The following STK32B variants were observed in gnomAD, a reference collection of about 807,000 sequenced individuals.
STK32B encodes the protein serine/threonine-protein kinase 32B.
Under a neutral mutation model 52.6 loss-of-function variants are expected in STK32B, and 43 were observed. The observed-to-expected ratio is 0.82, with a 90% confidence interval of 0.64 to 1.05. The LOEUF (loss-of-function observed/expected upper bound fraction) is 1.05. Among genes scored for constraint, STK32B ranks in the 50% least tolerant of loss-of-function variants. The probability of loss-of-function intolerance (pLI) is 0.00; values close to 1 mark genes in which losing one functional copy is unlikely to be tolerated. For synonymous variants in STK32B, 238 were observed against 204.3 expected, an observed-to-expected ratio of 1.17 and a Z score of -1.41; for missense variants, 621 against 534.6, an observed-to-expected ratio of 1.16 and a Z score of -1.59.
chr4:5,205,418 A>G (rs1035340367), intron 3 of STK32B, among the ~76,000 whole-genome samples: 7 of 151,574 alleles, frequency 4.6e-5, no homozygotes, highest in African/African-American at 1.5e-4. Context: ...TAACTAATAC[A>G]CCTCCCCTCC....
At chr4:5,223,789 C>G (rs1216195762) in intron 3 of STK32B, among the ~76,000 whole-genome samples, 2 of 148,380 alleles carry the variant, frequency 1.3e-5, no homozygotes, top group Non-Finnish European at 3.0e-5. Flanking sequence ...TGCATTCCAG[C>G]CTGGGAGACA....
Position 5,174,782 on chromosome 4 carries a change from G to C in STK32B, c.260+6332G>C, listed in dbSNP as rs1719696432. Among the ~76,000 whole-genome samples, 3 of 152,188 alleles carry C rather than the reference G, an allele frequency of 2.0e-5. No individual in the cohort carries two copies. In the South Asian group the frequency reaches 6.2e-4, roughly 32 times the overall value. On this transcript the variant is annotated intron_variant, in intron 3 of 11. Coordinates refer to ENST00000282908, the MANE Select transcript of STK32B (RefSeq NM_018401.3). ...GGTGAATCTGACAATTATGTATCTT[G>C]GAGTTGCTCTTCTCGAGGAGTATCT... is the stretch of plus-strand genomic sequence containing the variant.
rs562057019 is a variant in STK32B, at chr4:5,457,972, G to A, written c.783+1049G>A. Among the ~76,000 whole-genome samples, 3 of 151,322 alleles carry A rather than the reference G, an allele frequency of 2.0e-5. No homozygotes were observed. The East Asian group carries it at 5.9e-4, about 30-fold the overall frequency. ...GGAAGGAAGGAAGGAAAGGAAAGAA[G>A]GAAGGAAGGAAGGAATCAATCTCCT... On this transcript the variant is annotated intron_variant, in intron 8 of 11. Transcript: ENST00000282908.
chr4:5,267,241 A>T (rs543886479), intron 3 of STK32B, among the ~76,000 whole-genome samples: 1 of 152,334 alleles, frequency 6.6e-6, no homozygotes, highest in South Asian at 2.1e-4. Flanking sequence ...TCCAGTGTCC[A>T]TTATAGCTGA....
chr4:5,185,045 G>A (rs13140359), intron 3 of STK32B, among the ~76,000 whole-genome samples: 73,774 of 152,136 alleles, frequency 0.48, 18,262 homozygotes, highest in Admixed American at 0.57. Flanking sequence ...CTCCTCCAGC[G>A]TCAGACGTGA....
chr4:5,159,718 A>AATAT (rs1464238319), intron 2 of STK32B, among the ~76,000 whole-genome samples: 1 of 108,860 alleles, frequency 9.2e-6, no homozygotes, highest in Non-Finnish European at 1.7e-5. Context: ...TATATATATG[A>AATAT]ATGTATATGA....
At chr4:5,326,912 T>C (rs1196458301) in intron 3 of STK32B, among the ~76,000 whole-genome samples, 1 of 152,196 alleles carries the variant, frequency 6.6e-6, no homozygotes, top group Non-Finnish European at 1.5e-5. Context: ...AGAACTTCTT[T>C]CAAAAGTGGA....
At chr4:5,186,761 GT>G (rs1246522038) in intron 3 of STK32B, among the ~76,000 whole-genome samples, 2 of 152,184 alleles carry the variant, frequency 1.3e-5, no homozygotes, top group Non-Finnish European at 1.5e-5. Context: ...TAAATAGAGG[GT>G]TAAGAGGCGA....
intron 1 of STK32B, among the ~76,000 whole-genome samples, chr4:5,116,299 G>T (rs536569582): frequency 6.6e-6 from 1 of 152,088 alleles, no homozygotes; most frequent in Non-Finnish European, 1.5e-5. Flanking sequence ...GAAGGGCCCC[G>T]TGCTTGGTTT....
rs200812400 is a variant in STK32B at position 5,467,952 on chromosome 4, C to T, written c.1042-54C>T. ...GCCGTCCTGTGATGCTCCATTACCG[C>T]GCGTCCCCGGACCGTGCTTTGTCAT... On this transcript the variant is annotated intron_variant, in intron 10 of 11. Coordinates refer to ENST00000282908, the MANE Select transcript of STK32B (RefSeq NM_018401.3). This position sits in a 1 kb window ranked among gnomAD's most constrained non-coding sequence, Gnocchi z 5.8. The T allele has an allele frequency of 5.9e-5, 94 of 1,596,560 alleles. No individual in the cohort carries two copies. The highest frequency in any genetic ancestry group is 3.5e-4 in the Middle Eastern group (2 of 5,772).
chr4:5,493,842 T>A (rs1316935040), intron 11 of STK32B, among the ~76,000 whole-genome samples: 1 of 152,270 alleles, frequency 6.6e-6, no homozygotes, highest in Non-Finnish European at 1.5e-5. Context: ...ATGTACCCAG[T>A]AGTCATTCAG....
intron 3 of STK32B, among the ~76,000 whole-genome samples, chr4:5,174,835 T>G (rs1187872868): frequency 6.6e-6 from 1 of 152,224 alleles, no homozygotes; most frequent in Non-Finnish European, 1.5e-5. Context: ...TTTCCTGAAT[T>G]TGAATGTTGG....
At chr4:5,397,969 A>C (rs1737026740) in intron 4 of STK32B, among the ~76,000 whole-genome samples, 1 of 152,376 alleles carries the variant, frequency 6.6e-6, no homozygotes, top group Non-Finnish European at 1.5e-5. Flanking sequence ...AAAATTAAGA[A>C]TATTCAGGAA....
chr4:5,330,785 C>G (rs1361912905), intron 3 of STK32B, among the ~76,000 whole-genome samples: 1 of 152,192 alleles, frequency 6.6e-6, no homozygotes, highest in African/African-American at 2.4e-5. Context: ...GTTGCAGAAA[C>G]AAGCTCCATA....
chr4:5,285,954 C>A (rs545633147), intron 3 of STK32B, among the ~76,000 whole-genome samples: 120 of 152,168 alleles, frequency 7.9e-4, no homozygotes, highest in Middle Eastern at 3.4e-3. Flanking sequence ...GTCATTAGGA[C>A]CCTCATCCAA....
intron 4 of STK32B, among the ~76,000 whole-genome samples, chr4:5,362,431 A>G (rs1349283049): frequency 7.2e-5 from 11 of 152,190 alleles, no homozygotes; most frequent in African/African-American, 2.4e-4. Context: ...GGGCTAATTG[A>G]TGCGCCTTTG....
In STK32B at chr4:5,317,071, T is replaced by TAATATATATAATATATATGATATAA. The variant is rs1192353751; in HGVS notation, c.261-14149_261-14148insAATATATATAATATATATGATATAA. Among the ~76,000 whole-genome samples the TAATATATATAATATATATGATATAA allele has an allele frequency of 2.1e-4, 6 of 29,024 alleles. 1 individual carries two copies. The highest frequency in any genetic ancestry group is 1.8e-4 in the Non-Finnish European group (4 of 21,654). The allele number at this position is 29,024 out of a possible 152,430, so 19.0% of individuals were successfully genotyped here. ...TATATAATATATATGATATAATATA[T>TAATATATATAATATATATGATATAA]TATATATTATATATATAATATATAT... On this transcript the variant is annotated intron_variant, in intron 3 of 11. Coordinates refer to ENST00000282908, the MANE Select transcript of STK32B (RefSeq NM_018401.3).
intron 3 of STK32B, among the ~76,000 whole-genome samples, chr4:5,175,437 T>C (rs1432242487): frequency 2.6e-5 from 4 of 152,238 alleles, no homozygotes; most frequent in African/African-American, 7.2e-5. Context: ...TTTGGTTTTA[T>C]CTACCTTTGG....
At chr4:5,336,425 G>A (rs1421308507) in intron 4 of STK32B, among the ~76,000 whole-genome samples, 1 of 152,030 alleles carries the variant, frequency 6.6e-6, no homozygotes, top group South Asian at 2.1e-4. Context: ...TGAACATCAG[G>A]ATCCGAGCAA....
Sources: gnomAD v4.1 joint callset for allele counts (sites outside exome capture counted in the v4.1 genomes callset) on GRCh38, gnomAD v4.1.1 for gene constraint, Gnocchi (gnomAD v3.1) non-coding constraint, MANE v1.5 for transcripts, NCBI Gene and HGNC (gene_info 2026-07-23, HGNC 2026-07-21) for gene names.